Variants in EIF5A observed in about 807,000 individuals in gnomAD.
The protein encoded by EIF5A is eukaryotic translation initiation factor 5A.
Under a neutral mutation model 16.6 loss-of-function variants are expected in EIF5A, and 1 was observed. The observed-to-expected ratio is 0.06, with a 90% confidence interval of 0.02 to 0.28. The LOEUF is 0.28. Ranked by LOEUF, EIF5A falls within the 10% of genes least tolerant of loss-of-function variation. The pLI is 1.00. For synonymous variants in EIF5A, 80 were observed against 73.6 expected, an observed-to-expected ratio of 1.09 and a Z score of -0.44; for missense variants, 29 against 196.1, an observed-to-expected ratio of 0.15 and a Z score of 5.09.
intron 3 of EIF5A, 110 bp from the exon 4 acceptor site, chr17:7,311,240 G>A (rs2072817464): frequency 2.5e-6 from 4 of 1,584,420 alleles, no homozygotes; most frequent in Non-Finnish European, 3.4e-6. Flanking sequence ...GGCAGGAGAG[G>A]GTGTTTGGTA....
At chr17:7,310,779 C>G (rs2072799352) in intron 2 of EIF5A, 1 of 985,414 alleles carries the variant, frequency 1.0e-6, no homozygotes, top group South Asian at 4.7e-5. Context: ...CTTCTCCAAG[C>G]CTGCCATGCA....
upstream of EIF5A, chr17:7,307,448 G>C (rs1378326348): frequency 6.4e-6 from 7 of 1,088,270 alleles, no homozygotes; most frequent in Non-Finnish European, 7.8e-6. Context: ...AAACGCTCAG[G>C]GTTTGTGAGG....
chr17:7,309,581 T>A, intron 1 of EIF5A, 34 bp from the exon 2 acceptor site: 1 of 1,613,108 alleles, frequency 6.2e-7, no homozygotes, highest in South Asian at 1.1e-5. Context: ...TTGACCTCCA[T>A]GCTTATTCAC....
At chr17:7,309,554 A>G in intron 1 of EIF5A, 61 bp from the exon 2 acceptor site, 2 of 1,594,916 alleles carry the variant, frequency 1.3e-6, no homozygotes, top group Non-Finnish European at 1.7e-6. Context: ...GAGAAATGGG[A>G]TAGATTGGAG....
Position 7,311,949 on chromosome 17 carries a change from T to C in EIF5A, c.*139T>C. On this transcript the variant is annotated 3_prime_UTR_variant, in exon 6 of 6. Coordinates refer to ENST00000336458, the MANE Select transcript of EIF5A (RefSeq NM_001970.5). The stretch of plus-strand genomic sequence containing the variant: ...TTTATTTGACGTTTTATTTTGGTTT[T>C]CCCCACCCCCTCAATCTGTCGGGGA... 1 of 467,082 alleles carries C rather than the reference T, an allele frequency of 2.1e-6. No homozygotes were observed. The highest frequency in any genetic ancestry group is 4.1e-5 in the East Asian group (1 of 24,436). 28.9% of individuals were successfully genotyped at this position (467,082 alleles called of 1,614,324 possible).
rs527415009 is a variant in EIF5A at position 7,309,135 on chromosome 17, G to T, written c.-21-480G>T. Among the ~76,000 whole-genome samples, 3 of 152,030 alleles carry T rather than the reference G, an allele frequency of 2.0e-5. No homozygotes were observed. In the South Asian group the frequency reaches 6.2e-4, roughly 32 times the overall value. ...TGACTGGTTTGTGTGTGGATGGGGG[G>T]GGGCAGTGTAACAGATGGGTGGGGC... On this transcript the variant is annotated intron_variant, in intron 1 of 5. Coordinates refer to ENST00000336458, the MANE Select transcript of EIF5A (RefSeq NM_001970.5).
chr17:7,309,191 C>A (rs997803022), intron 1 of EIF5A, among the ~76,000 whole-genome samples: 2 of 150,506 alleles, frequency 1.3e-5, no homozygotes, highest in Non-Finnish European at 2.9e-5. Flanking sequence ...CTCCCCCCCC[C>A]CAATTAGCCC....
intron 2 of EIF5A, chr17:7,310,553 T>C: frequency 9.2e-7 from 1 of 1,088,902 alleles, no homozygotes; most frequent in South Asian, 2.3e-5. Context: ...CTGGCTTCCT[T>C]ATTTTCTAGC....
At chr17:7,308,327 C>A in intron 1 of EIF5A, 2 of 1,171,024 alleles carry the variant, frequency 1.7e-6, no homozygotes, top group Non-Finnish European at 2.1e-6. Flanking sequence ...GGACCCCTCC[C>A]CCCAGGTCCC....
chr17:7,308,329 C>G (rs2072696125), intron 1 of EIF5A: 4 of 1,172,254 alleles, frequency 3.4e-6, no homozygotes, highest in East Asian at 7.1e-5. Context: ...ACCCCTCCCC[C>G]CAGGTCCCGG....
intron 2 of EIF5A, chr17:7,310,259 C>T (rs781485236): frequency 6.5e-5 from 84 of 1,289,386 alleles, no homozygotes; most frequent in Non-Finnish European, 8.5e-5. Flanking sequence ...CTTCGTTCCC[C>T]AGTTCTAGCT....
chr17:7,308,242 G>GC, intron 1 of EIF5A: 1 of 1,027,650 alleles, frequency 9.7e-7, no homozygotes, highest in African/African-American at 1.8e-5. Context: ...CACCGGAAGT[G>GC]CCCCCCACGG....
chr17:7,311,283 A>G, intron 3 of EIF5A, 67 bp from the exon 4 acceptor site: 1 of 1,612,016 alleles, frequency 6.2e-7, no homozygotes, highest in Non-Finnish European at 8.5e-7. Context: ...TGTCTATCAG[A>G]GCCTTTACTG....
intron 1 of EIF5A, chr17:7,308,609 G>A: frequency 7.4e-7 from 1 of 1,348,018 alleles, no homozygotes; most frequent in South Asian, 1.1e-5. Context: ...GGAGGCCGGA[G>A]AAATGGGGAA....
At chr17:7,310,586 C>G in intron 2 of EIF5A, 1 of 1,068,248 alleles carries the variant, frequency 9.4e-7, no homozygotes, top group Non-Finnish European at 1.1e-6. Flanking sequence ...TCTGATCTCC[C>G]TGCAAGTCCT....
upstream of EIF5A, chr17:7,307,159 T>C (rs2072648121): frequency 6.5e-7 from 1 of 1,540,258 alleles, no homozygotes; most frequent in Non-Finnish European, 8.8e-7. Flanking sequence ...GGGCGTATCC[T>C]GAGACGCATG....
At chr17:7,310,982 T>A (rs1029586610) in intron 2 of EIF5A, 36 bp from the exon 3 acceptor site, 1 of 1,587,766 alleles carries the variant, frequency 6.3e-7, no homozygotes, top group Non-Finnish European at 8.6e-7. Context: ...CGTTTTAGAG[T>A]TTGGTTGGGT....
intron 1 of EIF5A, among the ~76,000 whole-genome samples, chr17:7,309,128 A>AT (rs1455782320): frequency 3.1e-5 from 4 of 127,160 alleles, no homozygotes; most frequent in African/African-American, 9.2e-5. Context: ...TTGTGTGTGG[A>AT]TGGGGGGGGG....
rs1343703452 is a variant in EIF5A, at chr17:7,311,582, C to T, written c.407C>T (p.Thr136Met). The change falls in exon 5 of 6, where the codon ACG (threonine) becomes ATG (methionine). Residue 136 changes from threonine to methionine, a missense_variant. Coordinates refer to ENST00000336458, the MANE Select transcript of EIF5A (RefSeq NM_001970.5). Reference protein sequence around the residue: ...KYDCGEEILITVLSAMTEEAA... With the variant: ...KYDCGEEILIMVLSAMTEEAA... ...CTATCCCTCTTGCTTCTCCAGATCA[C>T]GGTGCTGTCTGCCATGACAGAGGAG... The T allele has an allele frequency of 1.2e-6, 2 of 1,614,174 alleles. No individual in the cohort carries two copies. The highest frequency in any genetic ancestry group is 1.7e-6 in the Non-Finnish European group (2 of 1,180,032).
Sources: gnomAD v4.1 joint callset for allele counts (sites outside exome capture counted in the v4.1 genomes callset) on GRCh38, gnomAD v4.1.1 for gene constraint, MANE v1.5 for transcripts, NCBI Gene and HGNC (gene_info 2026-07-23, HGNC 2026-07-21) for gene names.